Variants in LRP1B observed in about 807,000 individuals in gnomAD.
The protein encoded by LRP1B is low-density lipoprotein receptor-related protein 1B.
LRP1B carries 217 observed loss-of-function variants against 556.6 expected under a neutral mutation model. The ratio of observed to expected loss-of-function variants is 0.39; its 90% CI spans 0.35 to 0.44. The LOEUF is 0.44. Ranked by LOEUF, LRP1B falls within the 20% of genes least tolerant of loss-of-function variation. The pLI is 1.00. For synonymous variants in LRP1B, 2,047 were observed against 1,865.8 expected (o/e 1.10, Z -2.50); for missense variants, 5,053 against 5,620.8 (o/e 0.90, Z 3.23).
chr2:141,538,636 T>A (rs1559127945), intron 2 of LRP1B, among the ~76,000 whole-genome samples: 1 of 63,002 alleles, frequency 1.6e-5, no homozygotes, highest in Non-Finnish European at 4.9e-5. Flanking sequence ...TGAAAAAAAC[T>A]TCTTTTTTTT....
rs141901937 is a variant in LRP1B at position 140,787,399 on chromosome 2, T to A, written c.5360-11161A>T. 1.7e-3 allele frequency among the ~76,000 whole-genome samples: 255 copies of A among 152,184 alleles called. 1 individual carries two copies. Among genetic ancestry groups the A allele is most frequent in the African/African-American group, 5.6e-3 (231 of 41,522 alleles). The stretch of plus-strand genomic sequence containing the variant: ...ATAGACACATATTTCCAGATTCAGC[T>A]CAAATGGTATCTTTATTTGCAAAGT... On this transcript the variant is annotated intron_variant, in intron 32 of 90. Coordinates refer to ENST00000389484, the MANE Select transcript of LRP1B (RefSeq NM_018557.3).
chr2:141,895,326 G>C lies in LRP1B; in HGVS notation c.83-84925C>G, dbSNP rs147804302. ...CAGTCAGGCAGAAAATATTCTCTCAGAGAAGTGAGACCATAGCCATAGACA... is the reference window on the plus strand; with the variant it reads ...CAGTCAGGCAGAAAATATTCTCTCACAGAAGTGAGACCATAGCCATAGACA... On this transcript the variant is annotated intron_variant, in intron 1 of 90. Transcript: ENST00000389484. Among the ~76,000 whole-genome samples, 417 of 152,274 alleles carry C rather than the reference G, an allele frequency of 2.7e-3. 1 individual carries two copies. The highest frequency in any genetic ancestry group is 9.3e-3 in the African/African-American group (386 of 41,558).
Position 140,279,988 on chromosome 2 carries a change from T to C in LRP1B, c.12968-5390A>G, listed in dbSNP as rs937365717. Among the ~76,000 whole-genome samples the C allele has an allele frequency of 6.6e-5, 10 of 152,042 alleles. No homozygotes were observed. The East Asian group carries it at 1.9e-3, about 30-fold the overall frequency. On this transcript the variant is annotated intron_variant, in intron 84 of 90. Transcript: ENST00000389484. ...CATTTATCACTAAGAGGATCAATTA[T>C]TTGTATGAACTTACCTTTGTTGAAG...
intron 7 of LRP1B, among the ~76,000 whole-genome samples, chr2:141,185,687 C>CA (rs111914547): frequency 0.022 from 2,957 of 132,156 alleles, 82 homozygotes; most frequent in Middle Eastern, 0.048. Context: ...AACAAACAAA[C>CA]AAAAAAAAAC....
intron 69 of LRP1B, among the ~76,000 whole-genome samples, chr2:140,372,332 G>T (rs1186353565): frequency 1.3e-5 from 2 of 152,066 alleles, no homozygotes; most frequent in Non-Finnish European, 2.9e-5. Context: ...CTGGGGCATA[G>T]TAATGTGTGA....
intron 1 of LRP1B, among the ~76,000 whole-genome samples, chr2:142,035,819 G>C (rs148418168): frequency 6.6e-6 from 1 of 151,612 alleles, no homozygotes; most frequent in African/African-American, 2.4e-5. Context: ...AACGTGAATT[G>C]TATCTCCCAG....
intron 7 of LRP1B, among the ~76,000 whole-genome samples, chr2:141,098,239 CT>C (rs1700368758): frequency 6.6e-6 from 1 of 152,050 alleles, no homozygotes; most frequent in South Asian, 2.1e-4. Flanking sequence ...TGTAAAAATA[CT>C]GGTATAACAG....
intron 60 of LRP1B, among the ~76,000 whole-genome samples, chr2:140,474,824 C>G (rs1354218201): frequency 6.6e-6 from 1 of 151,720 alleles, no homozygotes; most frequent in Non-Finnish European, 1.5e-5. Flanking sequence ...TATTTACAAG[C>G]AAATAACCTT....
chr2:140,315,046 T>C lies in LRP1B; in HGVS notation c.12694A>G (p.Lys4232Glu). Reference protein sequence around the residue: ...ENGGRCILNEKGDLRCHCWPS... With the variant: ...ENGGRCILNEEGDLRCHCWPS... ...CAACAGTGACACCTCAAATCACCTTTCTCATTTAAAATGCATCTTCCTCCA... is the reference window on the plus strand; with the variant it reads ...CAACAGTGACACCTCAAATCACCTTCCTCATTTAAAATGCATCTTCCTCCA... Residue 4232 changes from lysine (K) to glutamate (E), a missense_variant, in exon 83 of 91, where the codon AAA becomes GAA. Transcript: ENST00000389484. 1 of 1,611,610 alleles carries C rather than the reference T, an allele frequency of 6.2e-7. No individual in the cohort carries two copies. The highest frequency in any genetic ancestry group is 1.3e-5 in the African/African-American group (1 of 74,936).
At chr2:142,109,196 A>C (rs1456995048) in intron 1 of LRP1B, among the ~76,000 whole-genome samples, 4 of 152,202 alleles carry the variant, frequency 2.6e-5, no homozygotes, top group Non-Finnish European at 5.9e-5. Flanking sequence ...TAACAACAAC[A>C]AAAAGAACAT....
At chr2:141,644,355 C>T (rs1689468509) in intron 2 of LRP1B, among the ~76,000 whole-genome samples, 1 of 151,990 alleles carries the variant, frequency 6.6e-6, no homozygotes, top group African/African-American at 2.4e-5. Context: ...TAAGATCTCT[C>T]TCTTGCTGCC....
chr2:141,545,404 G>T (rs1244302850), intron 2 of LRP1B, among the ~76,000 whole-genome samples: 1 of 152,204 alleles, frequency 6.6e-6, no homozygotes, highest in East Asian at 1.9e-4. Flanking sequence ...GGCCTTCAAA[G>T]ATGTCCATGT....
chr2:141,066,113 A>T (rs1256381814), intron 7 of LRP1B, among the ~76,000 whole-genome samples: 1 of 151,956 alleles, frequency 6.6e-6, no homozygotes, highest in Admixed American at 6.6e-5. Context: ...CCCAAATCCA[A>T]CAACTGTCTC....
chr2:140,661,952 A>G (rs868238858), intron 41 of LRP1B, among the ~76,000 whole-genome samples: 4 of 152,336 alleles, frequency 2.6e-5, no homozygotes, highest in Non-Finnish European at 4.4e-5. Flanking sequence ...AACACTTGAC[A>G]TAAGTCATCT....
chr2:141,465,796 T>C (rs1231076990), intron 3 of LRP1B, among the ~76,000 whole-genome samples: 1 of 152,184 alleles, frequency 6.6e-6, no homozygotes, highest in East Asian at 1.9e-4. Context: ...TCTGCTCGCC[T>C]CAGCCTCCCA....
intron 2 of LRP1B, among the ~76,000 whole-genome samples, chr2:141,612,505 T>A (rs1401971739): frequency 1.3e-5 from 2 of 152,186 alleles, no homozygotes; most frequent in Non-Finnish European, 2.9e-5. Flanking sequence ...ATATTTATAA[T>A]AACACTTGAT....
chr2:140,926,423 C>G (rs1287110188), intron 20 of LRP1B, among the ~76,000 whole-genome samples: 6 of 152,012 alleles, frequency 3.9e-5, no homozygotes, highest in African/African-American at 1.2e-4. Flanking sequence ...CTCATTGCAG[C>G]CTCAACCTCC....
intron 2 of LRP1B, among the ~76,000 whole-genome samples, chr2:141,794,055 T>C (rs923791274): frequency 1.3e-5 from 2 of 151,922 alleles, no homozygotes; most frequent in Non-Finnish European, 2.9e-5. Flanking sequence ...ATTAATACTA[T>C]TGGAATTAGG....
At chr2:141,320,220 A>C (rs147033119) in intron 3 of LRP1B, among the ~76,000 whole-genome samples, 4 of 152,196 alleles carry the variant, frequency 2.6e-5, no homozygotes, top group African/African-American at 9.6e-5. Flanking sequence ...CTACTCATTT[A>C]TTTTAAATTA....
Sources: gnomAD v4.1 joint callset for allele counts (sites outside exome capture counted in the v4.1 genomes callset) on GRCh38, gnomAD v4.1.1 for gene constraint, MANE v1.5 for transcripts, NCBI Gene and HGNC (gene_info 2026-07-23, HGNC 2026-07-21) for gene names.